Variants in MAP3K12 observed in about 807,000 individuals in gnomAD.
The protein encoded by MAP3K12 is mitogen-activated protein kinase kinase kinase 12, also known as MAPK-upstream kinase.
A neutral mutation model predicts 87.5 loss-of-function variants in MAP3K12; 14 were observed. The ratio of observed to expected loss-of-function variants is 0.16; its 90% CI spans 0.11 to 0.25. The LOEUF (loss-of-function observed/expected upper bound fraction) is 0.25. Among genes scored for constraint, MAP3K12 ranks in the 10% least tolerant of loss-of-function variants. The pLI is 1.00. For synonymous variants in MAP3K12, 469 were observed against 452.5 expected (o/e 1.04, Z -0.46); for missense variants, 802 against 1,140.4 (o/e 0.70, Z 4.27).
chr12:53,483,527 G>T (rs767121262), intron 9 of MAP3K12, 41 bp from the exon 10 acceptor site: 1 of 1,613,818 alleles, frequency 6.2e-7, no homozygotes, highest in African/African-American at 1.3e-5. Context: ...AAATGACCAG[G>T]AAGGGGCACC....
chr12:53,491,990 G>A (rs538142547), intron 1 of MAP3K12, among the ~76,000 whole-genome samples: 38 of 151,278 alleles, frequency 2.5e-4, no homozygotes, highest in Non-Finnish European at 4.3e-4. Flanking sequence ...TGGGAGAATC[G>A]CTTGAGCCCA....
In MAP3K12 at chr12:53,491,530, T is replaced by C. The variant is rs185425906; in HGVS notation, c.-37-4102A>G. Among the ~76,000 whole-genome samples the C allele has an allele frequency of 1.2e-3, 181 of 148,868 alleles. 1 individual carries two copies. The highest frequency in any genetic ancestry group is 4.3e-3 in the African/African-American group (176 of 40,734). On this transcript the variant is annotated intron_variant, in intron 1 of 13. Coordinates refer to ENST00000547488, the MANE Select transcript of MAP3K12 (RefSeq NM_001193511.2). ...CTCACTGCAAGCTCTGCCTTCCGGG[T>C]TCACACCATTCTCCTGCCTCGGCCT... is the stretch of plus-strand genomic sequence containing the variant.
chr12:53,501,507 C>T (rs1338749796), upstream of MAP3K12: 5 of 1,552,018 alleles, frequency 3.2e-6, no homozygotes, highest in Non-Finnish European at 3.5e-6. Context: ...AGCGTGGGGC[C>T]GTGCGGAGGG....
intron 9 of MAP3K12, 41 bp downstream of exon 9, chr12:53,483,566 C>T (rs1233701064): frequency 6.2e-7 from 1 of 1,613,700 alleles, no homozygotes; most frequent in African/African-American, 1.3e-5. Flanking sequence ...CTAAGGCAGG[C>T]ACAGCTCCAG....
chr12:53,490,625 TC>T (rs1164024214), intron 1 of MAP3K12, among the ~76,000 whole-genome samples: 1 of 151,534 alleles, frequency 6.6e-6, no homozygotes, highest in Non-Finnish European at 1.5e-5. Flanking sequence ...GCGCCTGTAG[TC>T]CCAGCTACTC....
At chr12:53,483,570 G>A in intron 9 of MAP3K12, 37 bp downstream of exon 9, 1 of 1,613,912 alleles carries the variant, frequency 6.2e-7, no homozygotes, top group Non-Finnish European at 8.5e-7. Context: ...GGCAGGCACA[G>A]CTCCAGGGCT....
upstream of MAP3K12, chr12:53,500,911 GC>G (rs1415732887): frequency 1.9e-5 from 3 of 158,942 alleles, no homozygotes; most frequent in African/African-American, 7.2e-5. Flanking sequence ...TCTCGTGCGT[GC>G]TTGACCCTGC....
At chr12:53,484,751 G>A in intron 6 of MAP3K12, 2 of 477,462 alleles carry the variant, frequency 4.2e-6, no homozygotes, top group South Asian at 2.3e-5. Flanking sequence ...TTTACTTGAG[G>A]CTCAACCAAC....
chr12:53,479,998 G>A lies in MAP3K12; in HGVS notation c.*1184C>T, dbSNP rs1942952283. On this transcript the variant is annotated 3_prime_UTR_variant, in exon 14 of 14. Coordinates refer to ENST00000547488, the MANE Select transcript of MAP3K12 (RefSeq NM_001193511.2). ...GTGGCCCTCGATCCTATTTTTCCCT[G>A]ACTCCATGCTTGGTTGGCCCTTATA... 1 of 151,542 alleles carries A rather than the reference G, an allele frequency of 6.6e-6. No homozygotes were observed. Among genetic ancestry groups the A allele is most frequent in the Non-Finnish European group, 1.5e-5 (1 of 68,046 alleles). The allele number at this position is 151,542 out of a possible 1,614,324, so 9.4% of individuals were successfully genotyped here.
At chr12:53,501,082 G>C (rs1013623912), upstream of MAP3K12, 17 of 388,940 alleles carry the variant, frequency 4.4e-5, no homozygotes, top group African/African-American at 3.6e-4. Flanking sequence ...CGGGAGAGAG[G>C]GGGCGCGGAA....
In MAP3K12 at chr12:53,481,264, TC is replaced by T; in HGVS notation, c.2596del (p.Glu866ArgfsTer76). 1 of 1,562,880 alleles carries T rather than the reference TC, an allele frequency of 6.4e-7. No homozygotes were observed. Among genetic ancestry groups the T allele is most frequent in the Non-Finnish European group, 8.7e-7 (1 of 1,155,156 alleles). On this transcript the variant is annotated frameshift_variant, in exon 14 of 14. Coordinates refer to ENST00000547488, the MANE Select transcript of MAP3K12 (RefSeq NM_001193511.2). LOFTEE classifies it high-confidence loss of function. ...LLRERGPPNS[E>X]DSDCDSTELD... ...TTCAGTGCTGTCACAGTCTGAGTCCTCAGAATTGGGAGGGCCCTGTGAGAAA... is the reference window on the plus strand; with the variant it reads ...TTCAGTGCTGTCACAGTCTGAGTCCTAGAATTGGGAGGGCCCTGTGAGAAA...
intron 1 of MAP3K12, among the ~76,000 whole-genome samples, chr12:53,492,173 G>A (rs143814701): frequency 3.0e-4 from 45 of 152,200 alleles, no homozygotes; most frequent in African/African-American, 1.1e-3. Context: ...ACTTTATCCT[G>A]GACGTCCTTC....
At position 53,483,499 on chromosome 12, in the gene MAP3K12, G is replaced by A; in HGVS notation, c.1476-13C>T. On this transcript the variant is annotated splice_polypyrimidine_tract_variant and intron_variant, in intron 9 of 13. Transcript: ENST00000547488. ...AGCTTGCTCTCGCCTAAAGATCCAGGCACCTTCTCAGCTGGGCAAATGACC... is the reference window on the plus strand; with the variant it reads ...AGCTTGCTCTCGCCTAAAGATCCAGACACCTTCTCAGCTGGGCAAATGACC... The A allele has an allele frequency of 6.2e-7, 1 of 1,614,042 alleles. No homozygotes were observed. Among genetic ancestry groups the A allele is most frequent in the East Asian group, 2.2e-5 (1 of 44,876 alleles).
At chr12:53,495,562 AAAAAAAT>A in intron 1 of MAP3K12, among the ~76,000 whole-genome samples, 1 of 150,506 alleles carries the variant, frequency 6.6e-6, no homozygotes, top group East Asian at 1.9e-4. Context: ...AAAAAAAAAA[AAAAAAAT>A]TGTAGAGACC....
rs764709784 is a variant in MAP3K12, at chr12:53,483,588, T to C, written c.1475+19A>G. The C allele has an allele frequency of 3.1e-6, 5 of 1,613,836 alleles. No homozygotes were observed. On this transcript the variant is annotated intron_variant, in intron 9 of 13. Transcript: ENST00000547488. ...AGGCACAGCTCCAGGGCTTGGTGCA[T>C]AAGGACAGGTAGGGTTACCTGAGCA...
intron 1 of MAP3K12, among the ~76,000 whole-genome samples, chr12:53,492,141 T>C (rs775855686): frequency 6.6e-6 from 1 of 152,010 alleles, no homozygotes; most frequent in Non-Finnish European, 1.5e-5. Flanking sequence ...TGGAAGGCGC[T>C]TCTCATCTCT....
intron 1 of MAP3K12, chr12:53,487,669 G>A: frequency 7.1e-6 from 3 of 423,976 alleles, no homozygotes; most frequent in Non-Finnish European, 1.3e-5. Flanking sequence ...GACAGGTATC[G>A]TACCTGAGTA....
intron 13 of MAP3K12, 118 bp from the exon 14 acceptor site, chr12:53,481,398 G>GGGCGA: frequency 2.4e-6 from 1 of 412,354 alleles, no homozygotes; most frequent in Non-Finnish European, 4.2e-6. Flanking sequence ...CGCCCAGGCT[G>GGGCGA]GAGTGCAGTA....
In MAP3K12 at chr12:53,486,713, A is replaced by C. The variant is rs537011257; in HGVS notation, c.446-91T>G. Reference sequence around the variant, plus strand: ...AGCATTGGGTTGGCTGAATTGACTTAAGGAGGGTGAGGCAGAAAGCCAAAA... The same window carrying C: ...AGCATTGGGTTGGCTGAATTGACTTCAGGAGGGTGAGGCAGAAAGCCAAAA... On this transcript the variant is annotated intron_variant, in intron 2 of 13. Transcript: ENST00000547488. The surrounding 1 kb of genome is among the most constrained non-coding windows in gnomAD (Gnocchi z 4.9). 5.5e-6 allele frequency: 8 copies of C among 1,453,100 alleles called. No individual in the cohort carries two copies. Among genetic ancestry groups the C allele is most frequent in the South Asian group, 4.3e-5 (3 of 70,340 alleles). The allele number at this position is 1,453,100 out of a possible 1,614,324, so 90.0% of individuals were successfully genotyped here.
Sources: allele counts gnomAD v4.1 joint callset (sites outside exome capture counted in the v4.1 genomes callset), GRCh38; gene constraint gnomAD v4.1.1; non-coding constraint Gnocchi (gnomAD v3.1); transcripts MANE v1.5; gene names NCBI Gene and HGNC (gene_info 2026-07-23, HGNC 2026-07-21).